MACROD2: variants seen among roughly 807,000 people sequenced by gnomAD.
MACROD2 encodes the protein mono-ADP ribosylhydrolase 2, also known as ADP-ribose glycohydrolase MACROD2.
MACROD2 carries 36 observed loss-of-function variants against 70.4 expected under a neutral mutation model. That is an observed-to-expected ratio of 0.51 (90% CI 0.39 to 0.68). The LOEUF (loss-of-function observed/expected upper bound fraction) is 0.68. Among genes scored for constraint, MACROD2 ranks in the 30% least tolerant of loss-of-function variants. The pLI, the probability that MACROD2 is intolerant of heterozygous loss-of-function variation, is 0.00. For missense variants in MACROD2, 496 were observed against 538.4 expected (o/e 0.92, Z 0.78); for synonymous variants, 172 against 178.8 (o/e 0.96, Z 0.30).
chr20:15,203,293 T>A (rs569923996), intron 5 of MACROD2, among the ~76,000 whole-genome samples: 3 of 152,230 alleles, frequency 2.0e-5, no homozygotes, highest in African/African-American at 7.2e-5. Context: ...CATGTACAAT[T>A]TGGCTTTGTT....
At chr20:14,063,969 T>G (rs962043091) in intron 2 of MACROD2, among the ~76,000 whole-genome samples, 3 of 152,136 alleles carry the variant, frequency 2.0e-5, no homozygotes, top group Non-Finnish European at 1.5e-5. Context: ...TCAAGTGATC[T>G]TCCCACCTCG....
At chr20:15,962,261 G>C (rs1034830766) in intron 12 of MACROD2, among the ~76,000 whole-genome samples, 2 of 152,222 alleles carry the variant, frequency 1.3e-5, no homozygotes, top group African/African-American at 4.8e-5. Flanking sequence ...TTACAAAGAA[G>C]TGTTGCTGGA....
intron 12 of MACROD2, among the ~76,000 whole-genome samples, chr20:15,954,984 A>G (rs1015204547): frequency 6.6e-6 from 1 of 152,218 alleles, no homozygotes; most frequent in Non-Finnish European, 1.5e-5. Flanking sequence ...CAGGGCAGCA[A>G]AGAAAGTCAG....
At chr20:15,791,083 A>C (rs2063620668) in intron 8 of MACROD2, among the ~76,000 whole-genome samples, 1 of 151,764 alleles carries the variant, frequency 6.6e-6, no homozygotes, top group Non-Finnish European at 1.5e-5. Flanking sequence ...CAATTCTACT[A>C]TTATTTTTCT....
At chr20:14,945,209 C>A (rs1282733745) in intron 5 of MACROD2, among the ~76,000 whole-genome samples, 1 of 151,848 alleles carries the variant, frequency 6.6e-6, no homozygotes, top group Non-Finnish European at 1.5e-5. Context: ...CCTCTGCCTC[C>A]CAGGTTCAAG....
intron 5 of MACROD2, among the ~76,000 whole-genome samples, chr20:15,113,494 G>A (rs565338190): frequency 1.1e-4 from 17 of 152,198 alleles, no homozygotes; most frequent in African/African-American, 3.4e-4. Context: ...TTTTTGAGGC[G>A]TCAAAACAAA....
rs75963866 is a variant in MACROD2 at position 15,343,418 on chromosome 20, A to G, written c.541-87987A>G. Among the ~76,000 whole-genome samples the G allele has an allele frequency of 9.5e-3, 1,453 of 152,304 alleles. 24 individuals carry two copies. The highest frequency in any genetic ancestry group is 0.033 in the African/African-American group (1,382 of 41,564). On this transcript the variant is annotated intron_variant, in intron 6 of 17. Transcript: ENST00000684519. ...GTTTATCTTACTTGTTTGGCCAGAT[A>G]TAAGTAAGGCAGTGATTCAGAAGAA...
At chr20:15,270,711 G>T (rs1021813913) in intron 6 of MACROD2, among the ~76,000 whole-genome samples, 7 of 152,126 alleles carry the variant, frequency 4.6e-5, no homozygotes, top group South Asian at 4.1e-4. Flanking sequence ...TGTCTTTGGT[G>T]CCTCTCGTGC....
chr20:14,590,429 G>C (rs1450743201), intron 4 of MACROD2, among the ~76,000 whole-genome samples: 2 of 152,138 alleles, frequency 1.3e-5, no homozygotes, highest in Non-Finnish European at 2.9e-5. Flanking sequence ...TTAAAGAAGA[G>C]ATTATGATGC....
intron 8 of MACROD2, among the ~76,000 whole-genome samples, chr20:15,639,711 C>G (rs1016176658): frequency 2.6e-5 from 4 of 152,190 alleles, no homozygotes; most frequent in African/African-American, 9.7e-5. Flanking sequence ...AGGTGATGTC[C>G]TTCCTGGCCT....
rs113242262 is a variant in MACROD2, at chr20:15,348,098, C to T, written c.541-83307C>T. On this transcript the variant is annotated intron_variant, in intron 6 of 17. Coordinates refer to ENST00000684519, the MANE Select transcript of MACROD2 (RefSeq NM_001351661.2). ...TATGTGATAGTGTTCTGGCCAATTACATGTGGATGCAAGTGATGGTTGCCA... is the reference window on the plus strand; with the variant it reads ...TATGTGATAGTGTTCTGGCCAATTATATGTGGATGCAAGTGATGGTTGCCA... Among the ~76,000 whole-genome samples the T allele has an allele frequency of 5.1e-3, 777 of 152,320 alleles. 8 individuals are homozygous for T. The highest frequency in any genetic ancestry group is 0.018 in the African/African-American group (731 of 41,570).
At chr20:14,253,785 AATGCAAGGCAG>A (rs1253687494) in intron 3 of MACROD2, among the ~76,000 whole-genome samples, 2 of 152,138 alleles carry the variant, frequency 1.3e-5, no homozygotes, top group Non-Finnish European at 2.9e-5. Context: ...CATAGGCCGT[AATGCAAGGCAG>A]ACAGCAAGAA....
At chr20:15,722,420 A>G (rs1474062210) in intron 8 of MACROD2, among the ~76,000 whole-genome samples, 1 of 152,190 alleles carries the variant, frequency 6.6e-6, no homozygotes. Flanking sequence ...AATCTAAGGT[A>G]TGTATAATTT....
chr20:14,129,469 C>T (rs2054691878), intron 3 of MACROD2, among the ~76,000 whole-genome samples: 1 of 152,134 alleles, frequency 6.6e-6, no homozygotes, highest in African/African-American at 2.4e-5. Context: ...GGAATCTAGT[C>T]CTGGTGAAGA....
chr20:14,051,533 TTG>T (rs1239345942), intron 2 of MACROD2, among the ~76,000 whole-genome samples: 1 of 152,186 alleles, frequency 6.6e-6, no homozygotes, highest in African/African-American at 2.4e-5. Flanking sequence ...AATTTCCTTA[TTG>T]CACATAGATT....
intron 4 of MACROD2, among the ~76,000 whole-genome samples, chr20:14,643,650 A>C (rs1420999330): frequency 6.6e-6 from 1 of 152,194 alleles, no homozygotes; most frequent in African/African-American, 2.4e-5. Flanking sequence ...AAGAAAGGAG[A>C]TATTAAGTTA....
At chr20:15,520,214 G>A (rs570176884) in intron 8 of MACROD2, among the ~76,000 whole-genome samples, 8 of 152,120 alleles carry the variant, frequency 5.3e-5, no homozygotes, top group East Asian at 1.9e-4. Flanking sequence ...GTGGTATCAC[G>A]AAGCTTTTAT....
At chr20:14,061,186 T>C (rs1367212744) in intron 2 of MACROD2, among the ~76,000 whole-genome samples, 6 of 152,164 alleles carry the variant, frequency 3.9e-5, no homozygotes, top group African/African-American at 1.4e-4. Flanking sequence ...TGCATGTAGG[T>C]ACACTATTGA....
chr20:14,133,752 G>T (rs1422646626), intron 3 of MACROD2, among the ~76,000 whole-genome samples: 2 of 152,112 alleles, frequency 1.3e-5, no homozygotes, highest in South Asian at 2.1e-4. Context: ...GCATACTGTG[G>T]TGCTACTCAG....
Sources: allele counts gnomAD v4.1 joint callset (sites outside exome capture counted in the v4.1 genomes callset), GRCh38; gene constraint gnomAD v4.1.1; transcripts MANE v1.5; gene names NCBI Gene and HGNC (gene_info 2026-07-23, HGNC 2026-07-21).